Variants in EHBP1 observed in about 807,000 individuals in gnomAD.
EHBP1 encodes EH domain-binding protein 1.
EHBP1 carries 55 observed loss-of-function variants against 144.0 expected under a neutral mutation model. The observed-to-expected ratio is 0.38, with a 90% CI of 0.31 to 0.48. The LOEUF (loss-of-function observed/expected upper bound fraction) is 0.48, where lower values mean the gene tolerates loss of function less well. Among genes scored for constraint, EHBP1 ranks in the 20% least tolerant of loss-of-function variants. The probability of loss-of-function intolerance (pLI) is 0.98; values close to 1 mark genes in which losing one functional copy is unlikely to be tolerated. For synonymous variants in EHBP1, 469 were observed against 472.7 expected, an observed-to-expected ratio of 0.99 and a Z score of 0.10; for missense variants, 1,200 against 1,364.2, an observed-to-expected ratio of 0.88 and a Z score of 1.90.
chr2:62,859,800 T>C (rs777312808), intron 8 of EHBP1, among the ~76,000 whole-genome samples: 1 of 152,042 alleles, frequency 6.6e-6, no homozygotes, highest in Non-Finnish European at 1.5e-5. Context: ...AAACCAGGGA[T>C]TTTTTTTCCT....
At chr2:62,896,547 A>G (rs1393187648) in intron 10 of EHBP1, among the ~76,000 whole-genome samples, 2 of 151,982 alleles carry the variant, frequency 1.3e-5, no homozygotes, top group Admixed American at 6.6e-5. Context: ...TCACACATCA[A>G]TTTGTGTATT....
rs946334347 is a variant in EHBP1, at chr2:62,706,524, A to T, written c.-295-373A>T. 3.3e-5 allele frequency: 5 copies of T among 152,380 alleles called. No homozygotes were observed. In the East Asian group the frequency reaches 5.8e-4, roughly 18 times the overall value. 9.4% of individuals were successfully genotyped at this position (152,380 alleles called of 1,614,324 possible). ...TATCGACTGAAAAACAAAGTTTATT[A>T]AAAAATACTCCACTTCTCCCTCTTT... On this transcript the variant is annotated intron_variant, in intron 1 of 22. Transcript: ENST00000431489.
chr2:62,688,707 C>G (rs1339749052), intron 1 of EHBP1, among the ~76,000 whole-genome samples: 1 of 151,958 alleles, frequency 6.6e-6, no homozygotes. Flanking sequence ...TTAGCTTCCA[C>G]AGATGAGAAC....
Position 62,863,154 on chromosome 2 carries a change from A to G in EHBP1, c.758-1577A>G, listed in dbSNP as rs191955620. On this transcript the variant is annotated intron_variant, in intron 8 of 22. Transcript: ENST00000431489. ...AAAAATTAGCCAGGCGTGGTGGCGCATGCCTATAATCCCAGCTACTCAGGA... is the reference window on the plus strand; with the variant it reads ...AAAAATTAGCCAGGCGTGGTGGCGCGTGCCTATAATCCCAGCTACTCAGGA... 1.5e-3 allele frequency among the ~76,000 whole-genome samples: 222 copies of G among 152,166 alleles called. 1 individual carries two copies. The highest frequency in any genetic ancestry group is 5.2e-3 in the African/African-American group (215 of 41,528).
chr2:62,928,454 A>C (rs574834506), intron 10 of EHBP1, among the ~76,000 whole-genome samples: 1 of 152,270 alleles, frequency 6.6e-6, no homozygotes, highest in East Asian at 1.9e-4. Context: ...ACTACCTCCA[A>C]GTTTGACAAT....
intron 7 of EHBP1, among the ~76,000 whole-genome samples, chr2:62,855,869 A>G (rs1021822112): frequency 2.6e-5 from 4 of 152,030 alleles, no homozygotes; most frequent in African/African-American, 9.7e-5. Flanking sequence ...TAGAAAGACA[A>G]TGGGTCGACC....
At chr2:62,729,386 ATATT>A (rs1157225839) in intron 2 of EHBP1, among the ~76,000 whole-genome samples, 3 of 120,402 alleles carry the variant, frequency 2.5e-5, no homozygotes, top group East Asian at 2.1e-4. Flanking sequence ...AATAAATATC[ATATT>A]TATTATATAT....
intron 7 of EHBP1, among the ~76,000 whole-genome samples, chr2:62,855,646 G>A (rs1040141972): frequency 3.3e-5 from 5 of 152,188 alleles, no homozygotes; most frequent in Admixed American, 6.5e-5. Flanking sequence ...CTCTGTCAGA[G>A]CTGAGCAGAT....
chr2:62,696,164 C>CTCTT (rs70962789), intron 1 of EHBP1, among the ~76,000 whole-genome samples: 20,358 of 135,404 alleles, frequency 0.15, 1,732 homozygotes, highest in Middle Eastern at 0.22. Flanking sequence ...CTCTCTCTCT[C>CTCTT]TCTTTCTTTC....
rs1330538631 is a variant in EHBP1 at position 62,965,573 on chromosome 2, GC to G, written c.2460+9915del. On this transcript the variant is annotated intron_variant, in intron 14 of 22. Coordinates refer to ENST00000431489, the MANE Select transcript of EHBP1 (RefSeq NM_001142616.3). ...GAATTTAAAGAGTCACTTGCATGTT[GC>G]CTTCTGAAAGGATTGTCTTGGTCAC... 3.9e-5 allele frequency among the ~76,000 whole-genome samples: 6 copies of G among 152,284 alleles called. No individual in the cohort carries two copies. In the East Asian group the frequency reaches 1.2e-3, roughly 29 times the overall value.
chr2:62,886,043 A>T (rs751028407), intron 10 of EHBP1, among the ~76,000 whole-genome samples: 9 of 152,200 alleles, frequency 5.9e-5, no homozygotes, highest in Non-Finnish European at 1.0e-4. Context: ...CTCAGGGTAA[A>T]CTCAAAGTAA....
intron 10 of EHBP1, among the ~76,000 whole-genome samples, chr2:62,896,715 C>T (rs2052969710): frequency 6.6e-6 from 1 of 151,706 alleles, no homozygotes. Context: ...CTGCTAGACT[C>T]CAGGAATCCC....
At chr2:62,862,118 A>G (rs1267269501) in intron 8 of EHBP1, among the ~76,000 whole-genome samples, 1 of 152,116 alleles carries the variant, frequency 6.6e-6, no homozygotes, top group East Asian at 1.9e-4. Context: ...ACTATTACTG[A>G]GTCTCTTTAG....
chr2:62,696,659 G>A (rs866281644), intron 1 of EHBP1, among the ~76,000 whole-genome samples: 1 of 151,034 alleles, frequency 6.6e-6, no homozygotes, highest in African/African-American at 2.4e-5. Flanking sequence ...GACTACAGGC[G>A]CCAGCCACCA....
intron 4 of EHBP1, among the ~76,000 whole-genome samples, chr2:62,770,004 A>G (rs1340965389): frequency 6.6e-6 from 1 of 152,164 alleles, no homozygotes; most frequent in Non-Finnish European, 1.5e-5. Context: ...CTTACACCAT[A>G]TACAAAAATC....
At chr2:62,703,884 C>CTTCT (rs2034353466), upstream of EHBP1, among the ~76,000 whole-genome samples, 1 of 152,120 alleles carries the variant, frequency 6.6e-6, no homozygotes, top group Non-Finnish European at 1.5e-5. Flanking sequence ...TAAAAGAAAC[C>CTTCT]AGAATGACCA....
chr2:62,887,557 G>A (rs1281986067), intron 10 of EHBP1, among the ~76,000 whole-genome samples: 1 of 147,250 alleles, frequency 6.8e-6, no homozygotes, highest in Non-Finnish European at 1.5e-5. Flanking sequence ...GGGCAATATA[G>A]TGAGATAGGT....
chr2:62,925,678 G>T (rs1226450983), intron 10 of EHBP1, among the ~76,000 whole-genome samples: 3 of 151,936 alleles, frequency 2.0e-5, no homozygotes, highest in Non-Finnish European at 4.4e-5. Flanking sequence ...ATTTACAATA[G>T]CTCCCCAGAA....
intron 7 of EHBP1, among the ~76,000 whole-genome samples, chr2:62,842,259 G>A (rs1027663917): frequency 2.6e-5 from 4 of 152,084 alleles, no homozygotes; most frequent in African/African-American, 9.7e-5. Context: ...GCTAATTTTT[G>A]TATTTTTAGT....
Sources: gnomAD v4.1 joint callset for allele counts (sites outside exome capture counted in the v4.1 genomes callset) on GRCh38, gnomAD v4.1.1 for gene constraint, MANE v1.5 for transcripts, NCBI Gene and HGNC (gene_info 2026-07-23, HGNC 2026-07-21) for gene names.